The following MLYCD variants were observed in gnomAD, a reference collection of about 807,000 sequenced individuals.
MLYCD encodes malonyl-CoA decarboxylase, also known as malonyl-CoA decarboxylase, mitochondrial.
Under a neutral mutation model 35.8 loss-of-function variants are expected in MLYCD, and 27 were observed. The observed-to-expected ratio is 0.75, with a 90% CI of 0.56 to 1.04. The LOEUF (loss-of-function observed/expected upper bound fraction) is 1.04, where lower values mean the gene tolerates loss of function less well. Ranked by LOEUF, MLYCD falls within the 50% of genes least tolerant of loss-of-function variation. The pLI, the probability that MLYCD is intolerant of heterozygous loss-of-function variation, is 0.00. For missense variants in MLYCD, 917 were observed against 665.1 expected, an observed-to-expected ratio of 1.38 and a Z score of -4.17; for synonymous variants, 403 against 302.4, an observed-to-expected ratio of 1.33 and a Z score of -3.45.
At chr16:83,911,704 A>T in intron 3 of MLYCD, 1 of 160,032 alleles carries the variant, frequency 6.2e-6, no homozygotes, top group East Asian at 1.8e-4. Flanking sequence ...AAACAAAGGT[A>T]TATTTCCTAA....
chr16:83,902,552 C>T (rs1906834533), intron 1 of MLYCD, among the ~76,000 whole-genome samples: 2 of 138,764 alleles, frequency 1.4e-5, no homozygotes. Context: ...GTTGCCCAGG[C>T]TGGAGTGCAG....
At chr16:83,899,832 G>C (rs1198780527) in intron 1 of MLYCD, among the ~76,000 whole-genome samples, 160 bp downstream of exon 1, 1 of 152,070 alleles carries the variant, frequency 6.6e-6, no homozygotes, top group African/African-American at 2.4e-5. Flanking sequence ...CCCTTCCCAC[G>C]CTGTCTGAGT....
In MLYCD at chr16:83,915,949, A is replaced by T. The variant is rs1127387; in HGVS notation, c.*460A>T. The T allele has an allele frequency of 9.4e-7, 1 of 1,062,732 alleles. No homozygotes were observed. The highest frequency in any genetic ancestry group is 1.1e-6 in the Non-Finnish European group (1 of 875,656). The allele number at this position is 1,062,732 out of a possible 1,614,324, so 65.8% of individuals were successfully genotyped here. A position where few individuals can be genotyped will look rare whatever the true frequency, so the allele number is the denominator to read the frequency against. On this transcript the variant is annotated 3_prime_UTR_variant, in exon 5 of 5. Coordinates refer to ENST00000262430, the MANE Select transcript of MLYCD (RefSeq NM_012213.3). ...ATGGTTGCTTTAGCCGTTTCTCACCATGCAATGCAGAGGGACAAAGGGCTG... is the reference window on the plus strand; with the variant it reads ...ATGGTTGCTTTAGCCGTTTCTCACCTTGCAATGCAGAGGGACAAAGGGCTG...
At position 83,917,285 on chromosome 16, in the gene MLYCD, G is replaced by T. The variant is rs914201402; in HGVS notation, c.*1796G>T. ...TCTCTGTGTGGATCAGTGCACGTCT[G>T]TGTGCGTGTGCACAAGCATCTGTGT... On this transcript the variant is annotated 3_prime_UTR_variant, in exon 5 of 5. Coordinates refer to ENST00000262430, the MANE Select transcript of MLYCD (RefSeq NM_012213.3). 5.9e-5 allele frequency: 9 copies of T among 152,404 alleles called. No homozygotes were observed. Among genetic ancestry groups the T allele is most frequent in the Middle Eastern group, 8.0e-4 (1 of 1,248 alleles). 9.4% of individuals were successfully genotyped at this position (152,404 alleles called of 1,614,324 possible).
At chr16:83,910,213 T>G (rs1907126297) in intron 3 of MLYCD, among the ~76,000 whole-genome samples, 2 of 149,424 alleles carry the variant, frequency 1.3e-5, no homozygotes, top group South Asian at 4.2e-4. Flanking sequence ...TATGCATGGT[T>G]TTTTTTTTTT....
Position 83,899,276 on chromosome 16 carries a change from G to T in MLYCD, c.132G>T (p.Leu44=). The change falls in exon 1 of 5, where the codon CTG becomes CTT. Residue 44 remains leucine (L), a synonymous_variant. Transcript: ENST00000262430. ...TGGAGCGGGCCATGGACGAGCTGCTGCGCCGCGCGGTGCCGCCGACGCCGG... is the reference window on the plus strand; with the variant it reads ...TGGAGCGGGCCATGGACGAGCTGCTTCGCCGCGCGGTGCCGCCGACGCCGG... ...GALERAMDEL[L]RRAVPPTPAY... 2 of 1,468,106 alleles carry T rather than the reference G, an allele frequency of 1.4e-6. No individual in the cohort carries two copies. Among genetic ancestry groups the T allele is most frequent in the Non-Finnish European group, 1.8e-6 (2 of 1,115,194 alleles). The allele number at this position is 1,468,106 out of a possible 1,614,324, so 90.9% of individuals were successfully genotyped here.
Position 83,921,652 on chromosome 16 carries a change from A to T in MLYCD, c.*6163A>T, listed in dbSNP as rs575117520. The T allele has an allele frequency of 3.3e-5, 5 of 152,236 alleles. No individual in the cohort carries two copies. The highest frequency in any genetic ancestry group is 1.2e-4 in the African/African-American group (5 of 41,526). 9.4% of individuals were successfully genotyped at this position (152,236 alleles called of 1,614,324 possible). On this transcript the variant is annotated 3_prime_UTR_variant, in exon 5 of 5. Coordinates refer to ENST00000262430, the MANE Select transcript of MLYCD (RefSeq NM_012213.3). The stretch of plus-strand genomic sequence containing the variant: ...ACTGCACTGAACCAATATTCCCCTC[A>T]CTTCATGGGTGTTACAAACCTCTTA...
At chr16:83,909,172 A>G (rs150311359) in intron 3 of MLYCD, among the ~76,000 whole-genome samples, 3 of 152,262 alleles carry the variant, frequency 2.0e-5, no homozygotes, top group East Asian at 1.9e-4. Context: ...TCTGAGGGCA[A>G]TTTGGCAACA....
Position 83,918,004 on chromosome 16 carries a change from T to TGAC in MLYCD, c.*2515_*2516insGAC, listed in dbSNP as rs1266107783. On this transcript the variant is annotated 3_prime_UTR_variant, in exon 5 of 5. Transcript: ENST00000262430. ...CCGAGGCTTTGGCTCACCAGAGGAG[T>TGAC]TTGTAGATGTCAGTCATCCCCAAGT... 7 of 152,022 alleles carry TGAC rather than the reference T, an allele frequency of 4.6e-5. No individual in the cohort carries two copies. Among genetic ancestry groups the TGAC allele is most frequent in the African/African-American group, 1.7e-4 (7 of 41,384 alleles). 9.4% of individuals were successfully genotyped at this position (152,022 alleles called of 1,614,324 possible).
In MLYCD at chr16:83,909,606, G is replaced by A. The variant is rs186164234; in HGVS notation, c.798+1324G>A. 6.1e-3 allele frequency among the ~76,000 whole-genome samples: 917 copies of A among 149,674 alleles called. 5 individuals are homozygous for A. Among genetic ancestry groups the A allele is most frequent in the Non-Finnish European group, 8.7e-3 (588 of 67,732 alleles). ...ATTGCCCTGAGCACCCTGTGATTTAGGTGGTGGTGTTGTGTTTTTTTTTTT... is the reference window on the plus strand; with the variant it reads ...ATTGCCCTGAGCACCCTGTGATTTAAGTGGTGGTGTTGTGTTTTTTTTTTT... On this transcript the variant is annotated intron_variant, in intron 3 of 4. Transcript: ENST00000262430.
chr16:83,912,622 G>A, intron 4 of MLYCD: 1 of 520,842 alleles, frequency 1.9e-6, no homozygotes, highest in South Asian at 2.0e-5. Context: ...TGTATTCTGA[G>A]GTCATCAACT....
Position 83,915,681 on chromosome 16 carries a change from A to G in MLYCD, c.*192A>G. On this transcript the variant is annotated 3_prime_UTR_variant, in exon 5 of 5. Coordinates refer to ENST00000262430, the MANE Select transcript of MLYCD (RefSeq NM_012213.3). ...CCTGGGCGTGACATGCACCCAGTGC[A>G]AGACGGTTGTGGGTGCGGGTGCACA... 6.8e-7 allele frequency: 1 copy of G among 1,474,612 alleles called. No homozygotes were observed. The highest frequency in any genetic ancestry group is 9.0e-7 in the Non-Finnish European group (1 of 1,114,998). The allele number at this position is 1,474,612 out of a possible 1,614,324, so 91.3% of individuals were successfully genotyped here.
intron 1 of MLYCD, among the ~76,000 whole-genome samples, chr16:83,905,482 G>A (rs1301884300): frequency 6.6e-6 from 1 of 152,186 alleles, no homozygotes; most frequent in Non-Finnish European, 1.5e-5. Context: ...GCAGCCCAGA[G>A]CTGATTCTGC....
rs548091282 is a variant in MLYCD, at chr16:83,917,458, G to C, written c.*1969G>C. On this transcript the variant is annotated 3_prime_UTR_variant, in exon 5 of 5. Coordinates refer to ENST00000262430, the MANE Select transcript of MLYCD (RefSeq NM_012213.3). The stretch of plus-strand genomic sequence containing the variant: ...AGTTGCCCTGTCCTCGCTGTCCTCG[G>C]TTTGGCAGACAGGTCCCTCACCTTC... The C allele has an allele frequency of 1.3e-5, 2 of 154,650 alleles. No individual in the cohort carries two copies. Among genetic ancestry groups the C allele is most frequent in the Non-Finnish European group, 2.9e-5 (2 of 68,288 alleles). 9.6% of individuals were successfully genotyped at this position (154,650 alleles called of 1,614,324 possible).
At position 83,922,487 on chromosome 16, in the gene MLYCD, A is replaced by T. The variant is rs1046258099; in HGVS notation, c.*6998A>T. On this transcript the variant is annotated 3_prime_UTR_variant, in exon 5 of 5. Transcript: ENST00000262430. ...CTTCTGAAATGCAGCGTGAGGCACCATGGAGGGAGCTGTAGACTTTGGCTC... is the reference window on the plus strand; with the variant it reads ...CTTCTGAAATGCAGCGTGAGGCACCTTGGAGGGAGCTGTAGACTTTGGCTC... The T allele has an allele frequency of 6.6e-6, 1 of 152,214 alleles. No homozygotes were observed. The highest frequency in any genetic ancestry group is 1.5e-5 in the Non-Finnish European group (1 of 68,084). The allele number at this position is 152,214 out of a possible 1,614,324, so 9.4% of individuals were successfully genotyped here. A position where few individuals can be genotyped will look rare whatever the true frequency, so the allele number is the denominator to read the frequency against.
At chr16:83,907,252 G>A (rs975690425) in intron 2 of MLYCD, among the ~76,000 whole-genome samples, 153 bp downstream of exon 2, 2 of 151,964 alleles carry the variant, frequency 1.3e-5, no homozygotes, top group Non-Finnish European at 2.9e-5. Flanking sequence ...CAAATGCTGC[G>A]GCTGTCACCA....
rs371251021 is a variant in MLYCD, at chr16:83,919,225, AAC to A, written c.*3749_*3750del. On this transcript the variant is annotated 3_prime_UTR_variant, in exon 5 of 5. Coordinates refer to ENST00000262430, the MANE Select transcript of MLYCD (RefSeq NM_012213.3). ...CACAGGAGAACACAGTGCACAGGAG[AAC>A]ACACACACACACTGCACAGGAGACC... is the stretch of plus-strand genomic sequence containing the variant. 2.2e-4 allele frequency: 32 copies of A among 148,758 alleles called. No individual in the cohort carries two copies. The South Asian group carries it at 4.5e-3, about 21-fold the overall frequency. The allele number at this position is 148,758 out of a possible 1,614,324, so 9.2% of individuals were successfully genotyped here. A position where few individuals can be genotyped will look rare whatever the true frequency, so the allele number is the denominator to read the frequency against.
At chr16:83,902,155 G>GTGCGTGTATATATA (rs1555537769) in intron 1 of MLYCD, among the ~76,000 whole-genome samples, 2 of 87,318 alleles carry the variant, frequency 2.3e-5, no homozygotes, top group East Asian at 6.2e-4. Context: ...GTGTGCGTGC[G>GTGCGTGTATATATA]TATATATATA....
At position 83,899,186 on chromosome 16, in the gene MLYCD, C is replaced by T; in HGVS notation, c.42C>T (p.Leu14=). Residue 14 remains leucine (L), a synonymous_variant, in exon 1 of 5, where the codon CTC becomes CTT. Transcript: ENST00000262430. ...FGPGLTARRL[L]PLRLPPRPPG... is the part of the protein sequence containing the mutation. Reference sequence around the variant, plus strand: ...CAGGCTTGACGGCCAGGCGTCTCCTCCCGCTGCGGTTGCCCCCGCGGCCGC... The same window carrying T: ...CAGGCTTGACGGCCAGGCGTCTCCTTCCGCTGCGGTTGCCCCCGCGGCCGC... The T allele has an allele frequency of 1.7e-6, 2 of 1,172,608 alleles. No homozygotes were observed. The highest frequency in any genetic ancestry group is 1.0e-6 in the Non-Finnish European group (1 of 953,576). The allele number at this position is 1,172,608 out of a possible 1,614,324, so 72.6% of individuals were successfully genotyped here.
Sources: allele counts gnomAD v4.1 joint callset (sites outside exome capture counted in the v4.1 genomes callset), GRCh38; gene constraint gnomAD v4.1.1; transcripts MANE v1.5; gene names NCBI Gene and HGNC (gene_info 2026-07-23, HGNC 2026-07-21).